FAM178B: variants seen among roughly 807,000 people sequenced by gnomAD.
The protein encoded by FAM178B is protein FAM178B.
FAM178B carries 82 observed loss-of-function variants against 91.7 expected under a neutral mutation model. The ratio of observed to expected loss-of-function variants is 0.89; its 90% CI spans 0.75 to 1.07. The LOEUF (loss-of-function observed/expected upper bound fraction) is 1.07. Among genes scored for constraint, FAM178B ranks in the 50% least tolerant of loss-of-function variants. The pLI, the probability that FAM178B is intolerant of heterozygous loss-of-function variation, is 0.00. For synonymous variants in FAM178B, 368 were observed against 359.4 expected, an observed-to-expected ratio of 1.02 and a Z score of -0.27; for missense variants, 769 against 846.7, an observed-to-expected ratio of 0.91 and a Z score of 1.14.
chr2:96,905,941 G>C (rs1462141932), intron 12 of FAM178B, among the ~76,000 whole-genome samples: 2 of 133,630 alleles, frequency 1.5e-5, no homozygotes, highest in Non-Finnish European at 3.1e-5. Flanking sequence ...GTGCGATATC[G>C]GCTCACCGCA....
At chr2:96,972,415 G>C in intron 2 of FAM178B, 93 bp from the exon 3 acceptor site, 1 of 1,479,180 alleles carries the variant, frequency 6.8e-7, no homozygotes, top group South Asian at 1.3e-5. Context: ...GCAAATGGGT[G>C]AGAGAACAAC....
At chr2:96,941,523 G>A (rs1358966869) in intron 8 of FAM178B, among the ~76,000 whole-genome samples, 2 of 152,186 alleles carry the variant, frequency 1.3e-5, no homozygotes, top group East Asian at 1.9e-4. Context: ...GCCAGAGCTC[G>A]AGGAGAACAA....
chr2:96,947,203 G>A (rs987972741), intron 8 of FAM178B, among the ~76,000 whole-genome samples: 1 of 152,186 alleles, frequency 6.6e-6, no homozygotes, highest in African/African-American at 2.4e-5. Context: ...AGCCACTAGG[G>A]GGGGAAATTA....
intron 14 of FAM178B, among the ~76,000 whole-genome samples, chr2:96,882,299 C>A (rs1485805970): frequency 6.6e-6 from 1 of 152,238 alleles, no homozygotes; most frequent in Non-Finnish European, 1.5e-5. Context: ...CCATCTAAAC[C>A]GCCAGCGGCT....
intron 10 of FAM178B, among the ~76,000 whole-genome samples, chr2:96,922,401 G>A (rs1574252238): frequency 1.3e-5 from 2 of 152,334 alleles, no homozygotes; most frequent in African/African-American, 4.8e-5. Context: ...CCAGGCTGGA[G>A]TGCAGTGGCG....
At chr2:96,970,477 C>A (rs1479845933) in intron 4 of FAM178B, among the ~76,000 whole-genome samples, 1 of 152,152 alleles carries the variant, frequency 6.6e-6, no homozygotes, top group Non-Finnish European at 1.5e-5. Context: ...AGAATGGAGC[C>A]AAGGTGGAGA....
chr2:96,982,599 G>A (rs1220423299), intron 1 of FAM178B, among the ~76,000 whole-genome samples: 4 of 151,654 alleles, frequency 2.6e-5, no homozygotes, highest in Non-Finnish European at 4.4e-5. Flanking sequence ...GACAGAGTCT[G>A]TCTCTGTCAT....
intron 6 of FAM178B, among the ~76,000 whole-genome samples, chr2:96,953,974 C>T (rs1383765119): frequency 2.6e-5 from 4 of 152,204 alleles, no homozygotes; most frequent in South Asian, 4.1e-4. Context: ...GAGGTGTGTG[C>T]AGTGAAAGCT....
At position 96,960,385 on chromosome 2, in the gene FAM178B, C is replaced by T. The variant is rs1326630716; in HGVS notation, c.790G>A (p.Gly264Ser). 1 of 1,551,884 alleles carries T rather than the reference C, an allele frequency of 6.4e-7. No homozygotes were observed. The highest frequency in any genetic ancestry group is 8.7e-7 in the Non-Finnish European group (1 of 1,146,976). Residue 264 changes from glycine to serine, a missense_variant, in exon 6 of 17, where the codon GGT becomes AGT. Gly to Ser is a moderately conservative substitution (Grantham distance 56). Transcript: ENST00000490605. ...CACCTGGGCAGAAACACAGTCTCAC[C>T]TGGATGGACCGGCGGGATGGTCTGC... ...SLQTIPPVHP[G>S]ETVFLPRCHP... is the part of the protein sequence containing the mutation.
intron 14 of FAM178B, among the ~76,000 whole-genome samples, chr2:96,893,001 G>A (rs146988059): frequency 1.3e-5 from 2 of 152,318 alleles, no homozygotes; most frequent in African/African-American, 4.8e-5. Context: ...TCCAGAAGAG[G>A]AGCGTGCACC....
At chr2:96,927,298 G>A (rs995299098) in intron 9 of FAM178B, among the ~76,000 whole-genome samples, 1 of 152,234 alleles carries the variant, frequency 6.6e-6, no homozygotes, top group African/African-American at 2.4e-5. Context: ...CCAGCCCTGA[G>A]GGGCTTGACC....
chr2:96,956,460 C>T (rs2082001300), intron 6 of FAM178B, among the ~76,000 whole-genome samples: 2 of 152,188 alleles, frequency 1.3e-5, no homozygotes, highest in Non-Finnish European at 1.5e-5. Context: ...CCAAGCCCAC[C>T]CAAGCTCGCT....
intron 13 of FAM178B, among the ~76,000 whole-genome samples, chr2:96,897,753 A>G (rs767265540): frequency 4.6e-5 from 7 of 152,150 alleles, no homozygotes; most frequent in Non-Finnish European, 1.0e-4. Flanking sequence ...CACTCCCAGT[A>G]ATCTCTTCTC....
At chr2:96,905,544 G>A (rs1234211975) in intron 12 of FAM178B, among the ~76,000 whole-genome samples, 3 of 143,322 alleles carry the variant, frequency 2.1e-5, no homozygotes, top group African/African-American at 2.6e-5. Context: ...GCGACAGAGC[G>A]AGACTCCATC....
At chr2:96,930,190 A>G (rs2081514993) in intron 8 of FAM178B, among the ~76,000 whole-genome samples, 1 of 124,512 alleles carries the variant, frequency 8.0e-6, no homozygotes, top group Non-Finnish European at 1.6e-5. Flanking sequence ...CCTGGGTGAC[A>G]GAGCGAGACT....
At chr2:96,901,135 G>A (rs2080919534) in intron 13 of FAM178B, among the ~76,000 whole-genome samples, 1 of 151,656 alleles carries the variant, frequency 6.6e-6, no homozygotes, top group African/African-American at 2.4e-5. Flanking sequence ...AGAGCTTTTT[G>A]GAGAGAAGAG....
At chr2:96,921,093 G>A in intron 12 of FAM178B, 72 bp downstream of exon 12, 2 of 1,268,744 alleles carry the variant, frequency 1.6e-6, no homozygotes, top group Non-Finnish European at 2.2e-6. Context: ...TGATGGGGAG[G>A]ACTCTGGATC....
chr2:96,910,644 C>T (rs1026705277), intron 12 of FAM178B, among the ~76,000 whole-genome samples: 1 of 152,280 alleles, frequency 6.6e-6, no homozygotes, highest in South Asian at 2.1e-4. Context: ...CTTTGGTGCC[C>T]TTCTTTCCAA....
chr2:96,890,103 C>T (rs1012674500), intron 14 of FAM178B, among the ~76,000 whole-genome samples: 11 of 152,052 alleles, frequency 7.2e-5, no homozygotes, highest in South Asian at 2.1e-4. Context: ...TGGCAAAACC[C>T]GTCTCTACTA....
Sources: allele counts gnomAD v4.1 joint callset (sites outside exome capture counted in the v4.1 genomes callset), GRCh38; gene constraint gnomAD v4.1.1; transcripts MANE v1.5; gene names NCBI Gene and HGNC (gene_info 2026-07-23, HGNC 2026-07-21).